PDGFRA: variants seen among roughly 807,000 people sequenced by gnomAD.
PDGFRA encodes the protein platelet derived growth factor receptor alpha.
In PDGFRA, 25 loss-of-function variants were observed where a neutral mutation model predicts 121.5. The ratio of observed to expected loss-of-function variants is 0.21; its 90% CI spans 0.15 to 0.29. The LOEUF (loss-of-function observed/expected upper bound fraction) is 0.29. Ranked by LOEUF, PDGFRA falls within the 10% of genes least tolerant of loss-of-function variation. PDGFRA has a pLI of 1.00. For missense variants in PDGFRA, 1,008 were observed against 1,345.1 expected, an observed-to-expected ratio of 0.75 and a Z score of 3.92; for synonymous variants, 463 against 494.8, an observed-to-expected ratio of 0.94 and a Z score of 0.85.
intron 1 of PDGFRA, among the ~76,000 whole-genome samples, chr4:54,251,065 CAAAA>C (rs566538469): frequency 3.9e-5 from 2 of 51,854 alleles, no homozygotes; most frequent in South Asian, 6.4e-4. Flanking sequence ...AACTCCGTCT[CAAAA>C]AAAAAAAAAA....
At chr4:54,270,885 G>A (rs893647752) in intron 8 of PDGFRA, 137 bp downstream of exon 8, 7 of 690,986 alleles carry the variant, frequency 1.0e-5, no homozygotes, top group South Asian at 9.1e-5. Context: ...GTCACATATC[G>A]GGAATACCTC....
chr4:54,295,210 A>T lies in PDGFRA; in HGVS notation c.3208A>T (p.Ile1070Phe). The T allele has an allele frequency of 6.2e-7, 1 of 1,613,876 alleles. No homozygotes were observed. The highest frequency in any genetic ancestry group is 8.5e-7 in the Non-Finnish European group (1 of 1,179,750). ...GAGAGAGGACGAGACCATTGAAGAC[A>T]TCGACATGATGGATGACATCGGCAT... ...IKREDETIED[I>F]DMMDDIGIDS... The change falls in exon 23 of 23, where the codon ATC (isoleucine) becomes TTC (phenylalanine). Residue 1070 changes from isoleucine to phenylalanine, a missense_variant. Physicochemically the swap from Ile to Phe is conservative, Grantham distance 21. Around this residue, in one of 5 missense-constraint regions of PDGFRA, gnomAD observed 204 missense variants for 243.0 expected, o/e 0.84. Coordinates refer to ENST00000257290, the MANE Select transcript of PDGFRA (RefSeq NM_006206.6).
chr4:54,257,563 G>T (rs1471182148), intron 1 of PDGFRA, among the ~76,000 whole-genome samples: 1 of 152,126 alleles, frequency 6.6e-6, no homozygotes, highest in African/African-American at 2.4e-5. Context: ...GTGATTTTTG[G>T]GGGGTTATGT....
chr4:54,267,190 A>G, intron 5 of PDGFRA, 99 bp from the exon 6 acceptor site: 2 of 1,166,084 alleles, frequency 1.7e-6, no homozygotes, highest in Non-Finnish European at 2.6e-6. Context: ...CTGAACCTCC[A>G]TTGACACATC....
At chr4:54,270,816 C>G in intron 8 of PDGFRA, 68 bp downstream of exon 8, 1 of 885,696 alleles carries the variant, frequency 1.1e-6, no homozygotes, top group Non-Finnish European at 1.9e-6. Flanking sequence ...AAGCCTGGCA[C>G]TTTTCTCCCC....
At chr4:54,273,515 C>T (rs768480622) in intron 9 of PDGFRA, 22 bp from the exon 10 acceptor site, 3 of 1,603,592 alleles carry the variant, frequency 1.9e-6, no homozygotes, top group African/African-American at 2.7e-5. Flanking sequence ...TGGCCCTATA[C>T]TTAGGCCCTT....
At chr4:54,259,942 G>T (rs1321379612) in intron 2 of PDGFRA, among the ~76,000 whole-genome samples, 1 of 151,862 alleles carries the variant, frequency 6.6e-6, no homozygotes, top group Non-Finnish European at 1.5e-5. Flanking sequence ...TCTGTACTCT[G>T]CTTACACAGT....
At chr4:54,238,645 A>G (rs186623706) in intron 1 of PDGFRA, among the ~76,000 whole-genome samples, 31 of 152,284 alleles carry the variant, frequency 2.0e-4, no homozygotes, top group African/African-American at 7.2e-4. Context: ...GAGTTGATAG[A>G]TACAGGTCAT....
intron 3 of PDGFRA, 147 bp downstream of exon 3, chr4:54,261,559 G>A: frequency 3.4e-6 from 2 of 584,450 alleles, no homozygotes; most frequent in Non-Finnish European, 5.9e-6. Context: ...AAAATCATTT[G>A]TAATATTATC....
chr4:54,277,868 A>T lies in PDGFRA; in HGVS notation c.1892-28A>T, dbSNP rs2110310531. On this transcript the variant is annotated intron_variant, in intron 13 of 22. Transcript: ENST00000257290. ...AACAGGAAGTTGGTAGCTCAGCTGG[A>T]CTGATATGTGATTTATTCTTTCAAC... 3.5e-6 allele frequency: 5 copies of T among 1,442,410 alleles called. No homozygotes were observed. In the South Asian group the frequency reaches 5.7e-5, roughly 17 times the overall value. The allele number at this position is 1,442,410 out of a possible 1,614,324, so 89.4% of individuals were successfully genotyped here.
chr4:54,257,791 A>G (rs1722454843), intron 1 of PDGFRA, among the ~76,000 whole-genome samples: 1 of 152,186 alleles, frequency 6.6e-6, no homozygotes, highest in Admixed American at 6.5e-5. Context: ...GTTTGCCAGA[A>G]TAGTCCCTTC....
Position 54,288,918 on chromosome 4 carries a change from CG to C in PDGFRA, c.2774+25del. 6 of 1,564,692 alleles carry C rather than the reference CG, an allele frequency of 3.8e-6. No individual in the cohort carries two copies. Among genetic ancestry groups the C allele is most frequent in the Non-Finnish European group, 5.3e-6 (6 of 1,134,744 alleles). On this transcript the variant is annotated intron_variant, in intron 20 of 22. Coordinates refer to ENST00000257290, the MANE Select transcript of PDGFRA (RefSeq NM_006206.6). ...TGAAGTGTGAGCTCCTTCCCCATCC[CG>C]GGGGCCTGTGTTCACAGTCTGTGGG...
chr4:54,244,496 C>G (rs1721506301), intron 1 of PDGFRA, among the ~76,000 whole-genome samples: 1 of 152,230 alleles, frequency 6.6e-6, no homozygotes, highest in South Asian at 2.1e-4. Context: ...AACAGACCTG[C>G]AGCTGAGGAT....
intron 15 of PDGFRA, 71 bp from the exon 16 acceptor site, chr4:54,280,245 T>A: frequency 3.0e-6 from 1 of 329,908 alleles, no homozygotes; most frequent in Non-Finnish European, 5.1e-6. Context: ...CACATAATCA[T>A]CATCTACTGA....
In PDGFRA at chr4:54,295,043, T is replaced by C. The variant is rs977588164; in HGVS notation, c.3123-82T>C. On this transcript the variant is annotated intron_variant, in intron 22 of 22. Transcript: ENST00000257290. ...CAGCCCAAATTTGAATGCCAAAGGC[T>C]TTCGTTTGTCTCTGGGGGGCCACAG... The C allele has an allele frequency of 8.5e-5, 120 of 1,414,340 alleles. 2 individuals are homozygous for C. The South Asian group carries it at 1.3e-3, about 15-fold the overall frequency. The allele number at this position is 1,414,340 out of a possible 1,614,324, so 87.6% of individuals were successfully genotyped here.
intron 2 of PDGFRA, 107 bp from the exon 3 acceptor site, chr4:54,260,988 A>G: frequency 2.0e-6 from 2 of 1,001,546 alleles, no homozygotes; most frequent in Non-Finnish European, 1.5e-6. Context: ...ATTTTTGTGT[A>G]GAAATGGTCA....
At chr4:54,235,804 A>T (rs1461434159) in intron 1 of PDGFRA, among the ~76,000 whole-genome samples, 1 of 152,252 alleles carries the variant, frequency 6.6e-6, no homozygotes, top group African/African-American at 2.4e-5. Context: ...AAATCAAAGC[A>T]CTTTCAATTA....
At chr4:54,260,416 T>TTG (rs1553902242) in intron 2 of PDGFRA, among the ~76,000 whole-genome samples, 49 of 139,784 alleles carry the variant, frequency 3.5e-4, no homozygotes, top group African/African-American at 7.8e-4. Context: ...TTTTTTTTTT[T>TTG]TTTTTTTTTT....
chr4:54,242,632 A>AT (rs1254273529), intron 1 of PDGFRA, among the ~76,000 whole-genome samples: 1 of 151,732 alleles, frequency 6.6e-6, no homozygotes, highest in Non-Finnish European at 1.5e-5. Context: ...CTTGGAACTT[A>AT]TTTTTTTGAG....
Sources: gnomAD v4.1 joint callset for allele counts (sites outside exome capture counted in the v4.1 genomes callset) on GRCh38, gnomAD v4.1.1 for gene constraint, gnomAD v4.1.1 regional missense constraint, MANE v1.5 for transcripts, NCBI Gene and HGNC (gene_info 2026-07-23, HGNC 2026-07-21) for gene names.